The following LGSN variants were observed in gnomAD, a reference collection of about 807,000 sequenced individuals.
The protein encoded by LGSN is lengsin.
Under a neutral mutation model 19.5 loss-of-function variants are expected in LGSN, and 21 were observed. That is an observed-to-expected ratio of 1.07 (90% CI 0.76 to 1.55). The LOEUF is 1.55. Among genes scored for constraint, LGSN ranks in the 40% most tolerant of loss-of-function variants. LGSN has a pLI of 0.00. For synonymous variants in LGSN, 257 were observed against 215.6 expected (o/e 1.19, Z -1.68); for missense variants, 673 against 608.5 (o/e 1.11, Z -1.12).
At chr6:63,317,722 G>A (rs745636676) in intron 1 of LGSN, among the ~76,000 whole-genome samples, 3 of 152,174 alleles carry the variant, frequency 2.0e-5, no homozygotes, top group Non-Finnish European at 2.9e-5. Context: ...AGGTCAGGTA[G>A]AGCCTCCCAT....
the LGSN span, among the ~76,000 whole-genome samples, chr6:63,325,295 G>A: frequency 6.6e-6 from 1 of 151,862 alleles, no homozygotes; most frequent in Non-Finnish European, 1.5e-5. Flanking sequence ...TAATACAAAG[G>A]TTCAACCAAA....
the LGSN span, among the ~76,000 whole-genome samples, chr6:63,484,465 A>T: frequency 2.0e-5 from 3 of 152,184 alleles, no homozygotes; most frequent in African/African-American, 7.2e-5. Flanking sequence ...TGGAGGTTGC[A>T]GTGAGCCAAG....
chr6:63,532,297 TA>T, the LGSN span, among the ~76,000 whole-genome samples: 2 of 152,352 alleles, frequency 1.3e-5, no homozygotes, highest in Middle Eastern at 3.4e-3. Context: ...CAAATTTTGG[TA>T]AATCTCTATT....
the LGSN span, among the ~76,000 whole-genome samples, chr6:63,421,925 C>T: frequency 6.6e-6 from 1 of 152,072 alleles, no homozygotes; most frequent in African/African-American, 2.4e-5. Context: ...TAGCTGAAAA[C>T]TTCCCAACTT....
At chr6:63,546,804 A>G in the LGSN span, among the ~76,000 whole-genome samples, 1 of 152,340 alleles carries the variant, frequency 6.6e-6, no homozygotes, top group East Asian at 1.9e-4. Context: ...AATGTGTTAC[A>G]CACCTGAAAA....
the LGSN span, among the ~76,000 whole-genome samples, chr6:63,436,794 G>A: frequency 6.6e-6 from 1 of 152,168 alleles, no homozygotes; most frequent in African/African-American, 2.4e-5. Context: ...CCAACACTTT[G>A]GGAGGCTGAG....
chr6:63,481,592 C>A, the LGSN span, among the ~76,000 whole-genome samples: 1 of 151,848 alleles, frequency 6.6e-6, no homozygotes, highest in African/African-American at 2.4e-5. Context: ...GTGATCCGCC[C>A]GCCTCAGCCT....
Position 63,281,132 on chromosome 6 carries a change from G to T in LGSN, c.419C>A (p.Ala140Asp), listed in dbSNP as rs149460044. 1 of 1,613,398 alleles carries T rather than the reference G, an allele frequency of 6.2e-7. No homozygotes were observed. Among genetic ancestry groups the T allele is most frequent in the Non-Finnish European group, 8.5e-7 (1 of 1,179,880 alleles). ...GACTATGTCGCTATTAAAACATGTGGCTCTTATGTTATTCATTTCATTGTC... is the reference window on the plus strand; with the variant it reads ...GACTATGTCGCTATTAAAACATGTGTCTCTTATGTTATTCATTTCATTGTC... ...PKDNEMNNIR[A>D]TCFNSDIVLM... The change falls in exon 4 of 4, where the codon GCC (alanine) becomes GAC (aspartate). Residue 140 changes from alanine to aspartate, a missense_variant. Coordinates refer to ENST00000370657, the MANE Select transcript of LGSN (RefSeq NM_016571.3).
chr6:63,410,612 C>G, the LGSN span, among the ~76,000 whole-genome samples: 1 of 152,164 alleles, frequency 6.6e-6, no homozygotes, highest in South Asian at 2.1e-4. Context: ...AGGTGCAATT[C>G]TAAAATTACA....
the LGSN span, among the ~76,000 whole-genome samples, chr6:63,537,147 T>A: frequency 6.6e-6 from 1 of 152,218 alleles, no homozygotes. Context: ...AGAATAATGT[T>A]CTTAACCATT....
the LGSN span, among the ~76,000 whole-genome samples, chr6:63,537,784 G>A: frequency 6.6e-6 from 1 of 152,228 alleles, no homozygotes; most frequent in Non-Finnish European, 1.5e-5. Flanking sequence ...TACATGGCAA[G>A]GGGGAAGGAG....
chr6:63,355,136 T>G, the LGSN span, among the ~76,000 whole-genome samples: 1 of 152,110 alleles, frequency 6.6e-6, no homozygotes, highest in Admixed American at 6.5e-5. Context: ...CACATAAAAA[T>G]GATAAATGGA....
the LGSN span, among the ~76,000 whole-genome samples, chr6:63,444,510 A>T: frequency 6.6e-6 from 1 of 152,332 alleles, no homozygotes; most frequent in East Asian, 1.9e-4. Context: ...TATTCAAAGT[A>T]GTGTAACATG....
chr6:63,514,666 T>C, the LGSN span, among the ~76,000 whole-genome samples: 1 of 152,220 alleles, frequency 6.6e-6, no homozygotes, highest in African/African-American at 2.4e-5. Flanking sequence ...GTCCCCAGTG[T>C]TGTTGTGGTT....
chr6:63,430,695 G>A, the LGSN span, among the ~76,000 whole-genome samples: 8 of 152,110 alleles, frequency 5.3e-5, no homozygotes, highest in East Asian at 9.7e-4. Context: ...GCCTAAAATC[G>A]TTTAAATTTA....
chr6:63,340,917 T>C, the LGSN span, among the ~76,000 whole-genome samples: 1 of 151,978 alleles, frequency 6.6e-6, no homozygotes, highest in Non-Finnish European at 1.5e-5. Flanking sequence ...TATTCCAAAT[T>C]TATGGATTGG....
chr6:63,457,546 A>G, the LGSN span, among the ~76,000 whole-genome samples: 1 of 151,814 alleles, frequency 6.6e-6, no homozygotes, highest in Admixed American at 6.6e-5. Context: ...TGGCAATCCA[A>G]TAATCCAGGT....
chr6:63,557,994 A>G, the LGSN span, among the ~76,000 whole-genome samples: 1 of 151,672 alleles, frequency 6.6e-6, no homozygotes, highest in Non-Finnish European at 1.5e-5. Flanking sequence ...GGTTCAAGCA[A>G]TTCTCCTGCT....
At chr6:63,401,797 A>T in the LGSN span, among the ~76,000 whole-genome samples, 1 of 152,222 alleles carries the variant, frequency 6.6e-6, no homozygotes, top group Non-Finnish European at 1.5e-5. Context: ...TGACAGGGCA[A>T]AAGGCTGATT....
Sources: gnomAD v4.1 joint callset for allele counts (sites outside exome capture counted in the v4.1 genomes callset) on GRCh38, gnomAD v4.1.1 for gene constraint, MANE v1.5 for transcripts, NCBI Gene and HGNC (gene_info 2026-07-23, HGNC 2026-07-21) for gene names.